CHDH: variants seen among roughly 807,000 people sequenced by gnomAD.
CHDH encodes choline dehydrogenase, mitochondrial.
CHDH carries 43 observed loss-of-function variants against 56.9 expected under a neutral mutation model. The ratio of observed to expected loss-of-function variants is 0.76; its 90% CI spans 0.59 to 0.97. The LOEUF (loss-of-function observed/expected upper bound fraction) is 0.97. CHDH is among the 50% of genes least tolerant of loss of function. The probability of loss-of-function intolerance (pLI) is 0.00; values close to 1 mark genes in which losing one functional copy is unlikely to be tolerated. For synonymous variants in CHDH, 364 were observed against 348.5 expected (o/e 1.04, Z -0.50); for missense variants, 816 against 821.1 (o/e 0.99, Z 0.08).
At chr3:53,837,628 T>G (rs1027567553) in intron 2 of CHDH, among the ~76,000 whole-genome samples, 5 of 152,172 alleles carry the variant, frequency 3.3e-5, no homozygotes, top group Non-Finnish European at 7.3e-5. Context: ...GCTGCCCCAC[T>G]GTGGGTGCTT....
chr3:53,818,866 T>C lies in CHDH; in HGVS notation c.1366+72A>G, dbSNP rs1465333190. 5.3e-6 allele frequency: 5 copies of C among 942,646 alleles called. No homozygotes were observed. In the African/African-American group the frequency reaches 8.0e-5, roughly 15 times the overall value. The allele number at this position is 942,646 out of a possible 1,614,324, so 58.4% of individuals were successfully genotyped here. A position where few individuals can be genotyped will look rare whatever the true frequency, so the allele number is the denominator to read the frequency against. On this transcript the variant is annotated intron_variant, in intron 8 of 8. Transcript: ENST00000315251. ...AGAAAGTGTAGTCCAAGGGTATGAT[T>C]CAGGGATAAACAGGAACCCCACAAA...
intron 2 of CHDH, among the ~76,000 whole-genome samples, chr3:53,832,383 T>A (rs1698363026): frequency 6.6e-6 from 1 of 151,932 alleles, no homozygotes; most frequent in South Asian, 2.1e-4. Context: ...TACAAAAAAA[T>A]TAGCCAGGCA....
In CHDH at chr3:53,818,036, G is replaced by A. The variant is rs755221735; in HGVS notation, c.1526C>T (p.Ala509Val). ...CTTACAGGTGCACGAGGGGTGGTAG[G>A]CGCTGTCGGCTTTTGCCCGCACAAA... Reference protein sequence around the residue: ...DAFVRAKADSAYHPSCTCKMG... With the variant: ...DAFVRAKADSVYHPSCTCKMG... Residue 509 changes from alanine to valine, a missense_variant, in exon 9 of 9, where the codon GCC (alanine) becomes GTC (valine). Transcript: ENST00000315251. 3.1e-6 allele frequency: 5 copies of A among 1,614,226 alleles called. No homozygotes were observed. The highest frequency in any genetic ancestry group is 4.2e-6 in the Non-Finnish European group (5 of 1,180,040).
intron 2 of CHDH, among the ~76,000 whole-genome samples, chr3:53,836,631 C>A (rs75225499): frequency 0.023 from 3,499 of 152,350 alleles, 67 homozygotes; most frequent in Non-Finnish European, 0.029. Context: ...GGGCTCCACG[C>A]CCTTGCCTCC....
chr3:53,829,220 G>A (rs1042477276), intron 2 of CHDH, among the ~76,000 whole-genome samples: 9 of 152,144 alleles, frequency 5.9e-5, no homozygotes, highest in African/African-American at 1.2e-4. Flanking sequence ...ACAGTAAAAC[G>A]ATCAGTGGTT....
intron 4 of CHDH, among the ~76,000 whole-genome samples, chr3:53,821,989 T>C (rs72982043): frequency 0.025 from 3,838 of 152,120 alleles, 179 homozygotes; most frequent in African/African-American, 0.088. Context: ...TGGACAGTAG[T>C]GACAGCCTTA....
rs1334123202 is a variant in CHDH, at chr3:53,846,118, C to G, written c.-166G>C. On this transcript the variant is annotated 5_prime_UTR_variant, in exon 1 of 9. Coordinates refer to ENST00000315251, the MANE Select transcript of CHDH (RefSeq NM_018397.5). ...TCGGCCGAGAGCCCGACAGTCGGGA[C>G]CGGAGCGGGAGGAGCGGGTGGCCGC... The G allele has an allele frequency of 6.5e-6, 1 of 152,904 alleles. No homozygotes were observed. Among genetic ancestry groups the G allele is most frequent in the Non-Finnish European group, 1.5e-5 (1 of 68,606 alleles). The allele number at this position is 152,904 out of a possible 1,614,324, so 9.5% of individuals were successfully genotyped here.
At position 53,815,419 on chromosome 3, in the gene CHDH, G is replaced by C. The variant is rs1369108146; in HGVS notation, c.*2358C>G. ...GCCTCTCCTCCTGGGGTGAATGAAAGACTCCCTTCATGGCAGGGGAACGCT... is the reference window on the plus strand; with the variant it reads ...GCCTCTCCTCCTGGGGTGAATGAAACACTCCCTTCATGGCAGGGGAACGCT... On this transcript the variant is annotated 3_prime_UTR_variant, in exon 9 of 9. Coordinates refer to ENST00000315251, the MANE Select transcript of CHDH (RefSeq NM_018397.5). 2.0e-5 allele frequency: 3 copies of C among 152,238 alleles called. No individual in the cohort carries two copies. Among genetic ancestry groups the C allele is most frequent in the Non-Finnish European group, 4.4e-5 (3 of 68,050 alleles). The allele number at this position is 152,238 out of a possible 1,614,324, so 9.4% of individuals were successfully genotyped here.
rs1698348050 is a variant in CHDH at position 53,831,964 on chromosome 3, A to AT, written c.-59-7898_-59-7897insA. ...CCAGACTCCATCTCAAAAAAAAAAA[A>AT]AAAGAAAGAAAAGTAACAAGTGTTA... On this transcript the variant is annotated intron_variant, in intron 2 of 8. Coordinates refer to ENST00000315251, the MANE Select transcript of CHDH (RefSeq NM_018397.5). Among the ~76,000 whole-genome samples, 3 of 151,938 alleles carry AT rather than the reference A, an allele frequency of 2.0e-5. No individual in the cohort carries two copies. The South Asian group carries it at 6.2e-4, about 32-fold the overall frequency.
At chr3:53,832,757 T>C (rs892420808) in intron 2 of CHDH, among the ~76,000 whole-genome samples, 3 of 152,148 alleles carry the variant, frequency 2.0e-5, no homozygotes, top group Admixed American at 2.0e-4. Context: ...AGAAAATAGA[T>C]TAGAGGTTAC....
chr3:53,846,291 G>A lies in CHDH; in HGVS notation c.-339C>T, dbSNP rs1258665474. The A allele has an allele frequency of 2.0e-5, 7 of 347,596 alleles. No individual in the cohort carries two copies. Among genetic ancestry groups the A allele is most frequent in the Non-Finnish European group, 3.6e-5 (7 of 194,126 alleles). 21.5% of individuals were successfully genotyped at this position (347,596 alleles called of 1,614,324 possible). On this transcript the variant is annotated 5_prime_UTR_variant, in exon 1 of 9. Coordinates refer to ENST00000315251, the MANE Select transcript of CHDH (RefSeq NM_018397.5). ...GCTCCAGCGGAGGCGCGCGAAGCCCGAGGGCGGGTGCAGCTGATGCACCTG... is the reference window on the plus strand; with the variant it reads ...GCTCCAGCGGAGGCGCGCGAAGCCCAAGGGCGGGTGCAGCTGATGCACCTG...
chr3:53,826,213 C>A (rs2095638791), intron 2 of CHDH, among the ~76,000 whole-genome samples: 1 of 151,912 alleles, frequency 6.6e-6, no homozygotes, highest in African/African-American at 2.4e-5. Flanking sequence ...TATACCAGTA[C>A]TCTACAGTCT....
In CHDH at chr3:53,819,432, A is replaced by T. The variant is rs1454064432; in HGVS notation, c.1263+100T>A. The T allele has an allele frequency of 6.8e-7, 1 of 1,468,866 alleles. No individual in the cohort carries two copies. The highest frequency in any genetic ancestry group is 1.4e-5 in the African/African-American group (1 of 70,896). The allele number at this position is 1,468,866 out of a possible 1,614,324, so 91.0% of individuals were successfully genotyped here. ...CCTCTGTGTCCCCCACTCTGCAGCCATATGGCACCAGGGAGAATGCTGCCT... is the reference window on the plus strand; with the variant it reads ...CCTCTGTGTCCCCCACTCTGCAGCCTTATGGCACCAGGGAGAATGCTGCCT... On this transcript the variant is annotated intron_variant, in intron 7 of 8. Coordinates refer to ENST00000315251, the MANE Select transcript of CHDH (RefSeq NM_018397.5). This position sits in a 1 kb window ranked among gnomAD's most constrained non-coding sequence, Gnocchi z 5.4.
At chr3:53,818,263 G>T in intron 8 of CHDH, 68 bp from the exon 9 acceptor site, 1 of 1,360,412 alleles carries the variant, frequency 7.4e-7, no homozygotes, top group Non-Finnish European at 9.9e-7. Flanking sequence ...GAAGATTCAC[G>T]GCATGGAGAG....
At chr3:53,844,302 G>C (rs1308136946) in intron 1 of CHDH, among the ~76,000 whole-genome samples, 1 of 152,068 alleles carries the variant, frequency 6.6e-6, no homozygotes, top group Admixed American at 6.5e-5. Context: ...TTCTTCCCCT[G>C]GGGGGAGAAA....
At chr3:53,831,589 C>T (rs900054368) in intron 2 of CHDH, among the ~76,000 whole-genome samples, 3 of 152,200 alleles carry the variant, frequency 2.0e-5, no homozygotes, top group Non-Finnish European at 2.9e-5. Context: ...CATCAAAGGA[C>T]ATTCTCAAGA....
chr3:53,843,197 T>TTTG (rs749369928), intron 1 of CHDH, among the ~76,000 whole-genome samples: 4 of 149,102 alleles, frequency 2.7e-5, no homozygotes, highest in Non-Finnish European at 5.9e-5. Context: ...CCTTTTTTTT[T>TTTG]TTTTTTTGGT....
chr3:53,823,505 G>A lies in CHDH; in HGVS notation c.504C>T (p.Arg168=), dbSNP rs372285129. The change falls in exon 3 of 9, where the codon CGC becomes CGT. Residue 168 remains arginine (R), a synonymous_variant. Transcript: ENST00000315251. ...WDYAHCLPYF[R]KAQGHELGAS... ...CGCCCAGCTCGTGGCCCTGCGCCTT[G>A]CGGAAGTAGGGCAGGCAGTGCGCGT... is the stretch of plus-strand genomic sequence containing the variant. The A allele has an allele frequency of 1.3e-6, 2 of 1,542,506 alleles. No homozygotes were observed. Among genetic ancestry groups the A allele is most frequent in the Non-Finnish European group, 1.7e-6 (2 of 1,145,572 alleles).
At position 53,819,497 on chromosome 3, in the gene CHDH, C is replaced by A; in HGVS notation, c.1263+35G>T. 1.3e-6 allele frequency: 2 copies of A among 1,575,790 alleles called. No homozygotes were observed. Among genetic ancestry groups the A allele is most frequent in the Non-Finnish European group, 1.7e-6 (2 of 1,161,238 alleles). On this transcript the variant is annotated intron_variant, in intron 7 of 8. Coordinates refer to ENST00000315251, the MANE Select transcript of CHDH (RefSeq NM_018397.5). The surrounding 1 kb of genome is among the most constrained non-coding windows in gnomAD (Gnocchi z 5.4). ...ATCTTCCTTCCTGGTGGGAAGGAGA[C>A]ATCCTGGGAAGCCGAGGCTCTTCCA...
Sources: allele counts gnomAD v4.1 joint callset (sites outside exome capture counted in the v4.1 genomes callset), GRCh38; gene constraint gnomAD v4.1.1; non-coding constraint Gnocchi (gnomAD v3.1); transcripts MANE v1.5; gene names NCBI Gene and HGNC (gene_info 2026-07-23, HGNC 2026-07-21).